Variants in REDIC1 observed in about 807,000 individuals in gnomAD.
REDIC1 encodes the protein HEI10 Interacting Protein 1.
chr12:39,888,982 A>T, the REDIC1 span, among the ~76,000 whole-genome samples: 1 of 152,148 alleles, frequency 6.6e-6, no homozygotes, highest in African/African-American at 2.4e-5. Context: ...CTTTATAAAA[A>T]TACAAGTCGG....
chr12:39,806,114 A>G, the REDIC1 span, among the ~76,000 whole-genome samples: 11 of 152,222 alleles, frequency 7.2e-5, no homozygotes, highest in Non-Finnish European at 1.6e-4. Context: ...GTATACAAAT[A>G]TATGCAAGTT....
chr12:39,673,520 T>C, the REDIC1 span, among the ~76,000 whole-genome samples: 1 of 152,232 alleles, frequency 6.6e-6, no homozygotes, highest in Non-Finnish European at 1.5e-5. Flanking sequence ...TCTGGGCCCT[T>C]TTGTACTTTA....
chr12:39,776,312 C>T, the REDIC1 span, among the ~76,000 whole-genome samples: 4 of 152,174 alleles, frequency 2.6e-5, no homozygotes, highest in Non-Finnish European at 2.9e-5. Context: ...CCACCTCTGC[C>T]GACAGCTGAG....
the REDIC1 span, among the ~76,000 whole-genome samples, chr12:39,863,232 AT>A: frequency 3.9e-5 from 6 of 152,186 alleles, no homozygotes; most frequent in South Asian, 4.1e-4. Context: ...CATCATAAGG[AT>A]TAACAGACTG....
At chr12:39,903,802 CTTAAG>C in the REDIC1 span, among the ~76,000 whole-genome samples, 1 of 152,038 alleles carries the variant, frequency 6.6e-6, no homozygotes, top group Non-Finnish European at 1.5e-5. Context: ...TCCCATTTAG[CTTAAG>C]TTTTCTATCA....
chr12:39,740,205 T>C, the REDIC1 span, among the ~76,000 whole-genome samples: 925 of 152,360 alleles, frequency 6.1e-3, 4 homozygotes, highest in African/African-American at 0.021. Context: ...CTAGCTGATA[T>C]GCCAGTTAAT....
chr12:39,861,429 G>A, the REDIC1 span, among the ~76,000 whole-genome samples: 1 of 152,132 alleles, frequency 6.6e-6, no homozygotes, highest in Non-Finnish European at 1.5e-5. Flanking sequence ...TTCTACAACT[G>A]TATGCTTTAG....
the REDIC1 span, among the ~76,000 whole-genome samples, chr12:39,682,294 C>T: frequency 6.6e-6 from 1 of 151,928 alleles, no homozygotes; most frequent in African/African-American, 2.4e-5. Context: ...TAGTGGTTGT[C>T]TAGTTTATTC....
the REDIC1 span, among the ~76,000 whole-genome samples, chr12:39,817,861 A>G: frequency 6.6e-6 from 1 of 152,036 alleles, no homozygotes; most frequent in Non-Finnish European, 1.5e-5. Context: ...GAGATCCACA[A>G]ATGAGAATAC....
chr12:39,796,176 GT>G, the REDIC1 span, among the ~76,000 whole-genome samples: 1 of 152,094 alleles, frequency 6.6e-6, no homozygotes, highest in African/African-American at 2.4e-5. Context: ...TGTTTCCAAG[GT>G]TATGCATGGC....
chr12:39,690,657 A>G, the REDIC1 span, among the ~76,000 whole-genome samples: 1 of 152,210 alleles, frequency 6.6e-6, no homozygotes, highest in Non-Finnish European at 1.5e-5. Context: ...CAACGTATCT[A>G]GAATATAATA....
chr12:39,889,968 G>GCCAA, the REDIC1 span, among the ~76,000 whole-genome samples: 3 of 151,704 alleles, frequency 2.0e-5, no homozygotes, highest in African/African-American at 7.3e-5. Context: ...CTAATCTCTG[G>GCCAA]CCAATAATAT....
At chr12:39,825,767 AT>A in the REDIC1 span, among the ~76,000 whole-genome samples, 1 of 151,928 alleles carries the variant, frequency 6.6e-6, no homozygotes, top group East Asian at 1.9e-4. Flanking sequence ...AAGAACTTTT[AT>A]TTTTTGATCC....
chr12:39,680,222 A>T, the REDIC1 span, among the ~76,000 whole-genome samples: 1 of 152,226 alleles, frequency 6.6e-6, no homozygotes, highest in Non-Finnish European at 1.5e-5. Flanking sequence ...AATCTTCCCA[A>T]ACTATGCATC....
the REDIC1 span, among the ~76,000 whole-genome samples, chr12:39,895,514 TTATATATATATATA>T: frequency 0.14 from 8,150 of 56,652 alleles, 1,265 homozygotes; most frequent in East Asian, 0.35. Flanking sequence ...AAAAAAAAAA[TTATATATATATATA>T]TATATATATA....
chr12:39,661,022 G>C, the REDIC1 span, among the ~76,000 whole-genome samples: 2 of 151,962 alleles, frequency 1.3e-5, no homozygotes, highest in Admixed American at 1.3e-4. Flanking sequence ...ATTCTGTTTT[G>C]TAAATTTACC....
At chr12:39,814,055 A>G in the REDIC1 span, among the ~76,000 whole-genome samples, 6 of 152,212 alleles carry the variant, frequency 3.9e-5, no homozygotes, top group Non-Finnish European at 8.8e-5. Context: ...ATCTTTCAAG[A>G]CGAGGAAAAC....
chr12:39,739,752 C>T, the REDIC1 span, among the ~76,000 whole-genome samples: 1 of 152,146 alleles, frequency 6.6e-6, no homozygotes, highest in African/African-American at 2.4e-5. Context: ...ATATTCACAT[C>T]TCGTAAAATA....
At chr12:39,731,829 T>TCC in the REDIC1 span, among the ~76,000 whole-genome samples, 3 of 13,422 alleles carry the variant, frequency 2.2e-4, no homozygotes, top group Non-Finnish European at 4.1e-4. Context: ...TCTGCTGCCT[T>TCC]TCTTTTTTTT....
Sources: gnomAD v4.1 joint callset for allele counts (sites outside exome capture counted in the v4.1 genomes callset) on GRCh38, gnomAD v4.1.1 for gene constraint, MANE v1.5 for transcripts, NCBI Gene and HGNC (gene_info 2026-07-23, HGNC 2026-07-21) for gene names.